The following PHACTR2 variants were observed in gnomAD, a reference collection of about 807,000 sequenced individuals.
PHACTR2 encodes phosphatase and actin regulator 2.
PHACTR2 carries 30 observed loss-of-function variants against 76.0 expected under a neutral mutation model. That is an observed-to-expected ratio of 0.39 (90% confidence interval 0.30 to 0.54). The LOEUF (loss-of-function observed/expected upper bound fraction) is 0.54, where lower values mean the gene tolerates loss of function less well. Ranked by LOEUF, PHACTR2 falls within the 20% of genes least tolerant of loss-of-function variation. PHACTR2 has a pLI of 0.61. For synonymous variants in PHACTR2, 292 were observed against 292.5 expected, an observed-to-expected ratio of 1.00 and a Z score of 0.02; for missense variants, 696 against 781.1, an observed-to-expected ratio of 0.89 and a Z score of 1.30.
In PHACTR2 at chr6:143,684,368, C is replaced by T. The variant is rs1777465727; in HGVS notation, c.46+6159C>T. Among the ~76,000 whole-genome samples, 1 of 152,200 alleles carries T rather than the reference C, an allele frequency of 6.6e-6. No individual in the cohort carries two copies. Among genetic ancestry groups the T allele is most frequent in the South Asian group, 2.1e-4 (1 of 4,836 alleles). Reference sequence around the variant, plus strand: ...GTTATTCTTAGGTTTTCCTTTCCCCCTCCACATGGATCCATCAGCAGGTCT... The same window carrying T: ...GTTATTCTTAGGTTTTCCTTTCCCCTTCCACATGGATCCATCAGCAGGTCT... On this transcript the variant is annotated intron_variant, in intron 1 of 12. Coordinates refer to ENST00000440869, the MANE Select transcript of PHACTR2 (RefSeq NM_001100164.2). This position sits in a 1 kb window ranked among gnomAD's most constrained non-coding sequence, Gnocchi z 4.3.
chr6:143,748,821 C>T (rs927260192), intron 2 of PHACTR2, 164 bp from the exon 3 acceptor site: 5 of 516,242 alleles, frequency 9.7e-6, no homozygotes, highest in Middle Eastern at 1.0e-3. Context: ...CTTGTCATAG[C>T]TGTGTTGATT....
rs969760612 is a variant in PHACTR2 at position 143,537,337 on chromosome 6, CA to C, written c.217+131del. On this transcript the variant is annotated intron_variant, in intron 1 of 11. Coordinates refer to the PHACTR2 transcript ENST00000367584. This position sits in a 1 kb window ranked among gnomAD's most constrained non-coding sequence, Gnocchi z 4.4. ...CTGGCGGCGGGGTGGGGGTGGGGGA[CA>C]GGGGAGGGCGGAGGCTGAACTCCCC... 1 of 157,400 alleles carries C rather than the reference CA, an allele frequency of 6.4e-6. No homozygotes were observed. The highest frequency in any genetic ancestry group is 1.4e-5 in the Non-Finnish European group (1 of 72,766). 9.8% of individuals were successfully genotyped at this position (157,400 alleles called of 1,614,324 possible).
intron 1 of PHACTR2, among the ~76,000 whole-genome samples, chr6:143,600,487 G>A (rs1324649881): frequency 6.6e-6 from 1 of 152,228 alleles, no homozygotes; most frequent in East Asian, 1.9e-4. Flanking sequence ...TATAGGTACA[G>A]TTCTTAAAAA....
At position 143,771,194 on chromosome 6, in the gene PHACTR2, GTATATATATATATATA is replaced by G. The variant is rs769993035; in HGVS notation, c.1233-1038_1233-1023del. On this transcript the variant is annotated intron_variant, in intron 6 of 12. Transcript: ENST00000440869. ...TATATGTATATATATATATATGTGT[GTATATATATATATATA>G]TATATATATATATATATATATATAT... Among the ~76,000 whole-genome samples the G allele has an allele frequency of 9.4e-4, 38 of 40,470 alleles. 1 individual carries two copies. The highest frequency in any genetic ancestry group is 2.1e-3 in the East Asian group (3 of 1,426). 26.5% of individuals were successfully genotyped at this position (40,470 alleles called of 152,430 possible). A position where few individuals can be genotyped will look rare whatever the true frequency, so the allele number is the denominator to read the frequency against.
In PHACTR2 at chr6:143,598,110, T is replaced by G. The variant is rs34359479; in HGVS notation, c.217+60903T>G. On this transcript the variant is annotated intron_variant, in intron 1 of 11. Coordinates refer to the PHACTR2 transcript ENST00000367584. The surrounding 1 kb of genome is among the most constrained non-coding windows in gnomAD (Gnocchi z 4.1). ...CCCCCGCGCCCCCAAAAAAGAACCA[T>G]ATCTTAACCCCTTAAACCTGTGAAT... Among the ~76,000 whole-genome samples, 5 of 151,532 alleles carry G rather than the reference T, an allele frequency of 3.3e-5. No homozygotes were observed. Among genetic ancestry groups the G allele is most frequent in the Non-Finnish European group, 5.9e-5 (4 of 67,942 alleles).
chr6:143,768,862 A>C (rs935393234), intron 6 of PHACTR2, among the ~76,000 whole-genome samples: 1 of 152,188 alleles, frequency 6.6e-6, no homozygotes, highest in African/African-American at 2.4e-5. Context: ...ATATTCTTCA[A>C]AATTTAAATT....
rs1220225710 is a variant in PHACTR2, at chr6:143,558,247, T to C, written c.217+21040T>C. Reference sequence around the variant, plus strand: ...GTTATCCTGGATATATTTGATGATATTAAGGAATTAATGTTCCTTCTTAGG... The same window carrying C: ...GTTATCCTGGATATATTTGATGATACTAAGGAATTAATGTTCCTTCTTAGG... On this transcript the variant is annotated intron_variant, in intron 1 of 11. Transcript: ENST00000367584. The surrounding 1 kb of genome is among the most constrained non-coding windows in gnomAD (Gnocchi z 4.7). 6.6e-6 allele frequency: 1 copy of C among 152,210 alleles called. No individual in the cohort carries two copies. Among genetic ancestry groups the C allele is most frequent in the East Asian group, 1.9e-4 (1 of 5,200 alleles). The allele number at this position is 152,210 out of a possible 1,614,324, so 9.4% of individuals were successfully genotyped here.
At chr6:143,682,384 C>T (rs1340873576) in intron 1 of PHACTR2, among the ~76,000 whole-genome samples, 2 of 152,068 alleles carry the variant, frequency 1.3e-5, no homozygotes, top group Admixed American at 6.6e-5. Flanking sequence ...TGCCCAGCTA[C>T]TTTGTATTGT....
rs1266663357 is a variant in PHACTR2 at position 143,616,571 on chromosome 6, G to C, written c.13+8249G>C. Among the ~76,000 whole-genome samples the C allele has an allele frequency of 6.6e-6, 1 of 151,984 alleles. No homozygotes were observed. Reference sequence around the variant, plus strand: ...CCATACATCCTGGTGATGTTTCCTGGTCACCCACTCTGTGCCACGCAATGT... The same window carrying C: ...CCATACATCCTGGTGATGTTTCCTGCTCACCCACTCTGTGCCACGCAATGT... On this transcript the variant is annotated intron_variant, in intron 1 of 11. Coordinates refer to the PHACTR2 transcript ENST00000305766. This position sits in a 1 kb window ranked among gnomAD's most constrained non-coding sequence, Gnocchi z 4.9.
intron 11 of PHACTR2, among the ~76,000 whole-genome samples, chr6:143,790,961 G>A (rs753614658): frequency 1.1e-4 from 17 of 152,222 alleles, no homozygotes; most frequent in Admixed American, 2.6e-4. Flanking sequence ...ACAGGCGTGA[G>A]CCATGGCGCC....
chr6:143,820,586 T>C lies in PHACTR2; in HGVS notation c.1923-3088T>C, dbSNP rs142104421. The stretch of plus-strand genomic sequence containing the variant: ...GGGTACTCTGGTGTAAGTGGGCAGC[T>C]CTACCCCTGTGGATTTGCAAGGTGC... On this transcript the variant is annotated intron_variant, in intron 12 of 12. Coordinates refer to ENST00000440869, the MANE Select transcript of PHACTR2 (RefSeq NM_001100164.2). The surrounding 1 kb of genome is among the most constrained non-coding windows in gnomAD (Gnocchi z 4.2). Among the ~76,000 whole-genome samples the C allele has an allele frequency of 7.3e-4, 111 of 152,374 alleles. No individual in the cohort carries two copies. The highest frequency in any genetic ancestry group is 2.6e-3 in the African/African-American group (108 of 41,590).
chr6:143,799,226 G>A (rs1000961343), intron 11 of PHACTR2, among the ~76,000 whole-genome samples: 1 of 152,112 alleles, frequency 6.6e-6, no homozygotes, highest in Non-Finnish European at 1.5e-5. Flanking sequence ...GGGATCAGTG[G>A]TGATATCCCC....
intron 1 of PHACTR2, among the ~76,000 whole-genome samples, chr6:143,566,495 G>T (rs1775365075): frequency 6.7e-6 from 1 of 148,926 alleles, no homozygotes; most frequent in East Asian, 2.0e-4. Context: ...TAGAGAAAGG[G>T]GTCTTACTGT....
intron 1 of PHACTR2, among the ~76,000 whole-genome samples, chr6:143,650,943 G>A (rs189335797): frequency 6.6e-6 from 1 of 152,022 alleles, no homozygotes; most frequent in Admixed American, 6.6e-5. Context: ...TCTGACAAAG[G>A]TCTAATATCC....
rs1349361217 is a variant in PHACTR2 at position 143,819,948 on chromosome 6, T to C, written c.1923-3726T>C. 6.6e-6 allele frequency among the ~76,000 whole-genome samples: 1 copy of C among 152,174 alleles called. No homozygotes were observed. The highest frequency in any genetic ancestry group is 1.5e-5 in the Non-Finnish European group (1 of 68,026). On this transcript the variant is annotated intron_variant, in intron 12 of 12. Transcript: ENST00000440869. The surrounding 1 kb of genome is among the most constrained non-coding windows in gnomAD (Gnocchi z 5.0). ...GTACAGGAAGCATAGCAGCATCTGC[T>C]TCTGGGGAGGCCTCAGAAAGCCTCC...
rs139829877 is a variant in PHACTR2, at chr6:143,659,485, G to A, written c.13+51163G>A. Among the ~76,000 whole-genome samples, 70 of 152,304 alleles carry A rather than the reference G, an allele frequency of 4.6e-4. No individual in the cohort carries two copies. The East Asian group carries it at 9.7e-3, about 21-fold the overall frequency. On this transcript the variant is annotated intron_variant, in intron 1 of 11. Coordinates refer to the PHACTR2 transcript ENST00000305766. This position sits in a 1 kb window ranked among gnomAD's most constrained non-coding sequence, Gnocchi z 5.0. ...AGTGCATGTGGTCACTGGGCAGCAC[G>A]CCATTCCTTGCAGAATGCCAGACTG...
chr6:143,690,942 C>T (rs577524763), intron 1 of PHACTR2, among the ~76,000 whole-genome samples: 45 of 152,240 alleles, frequency 3.0e-4, no homozygotes, highest in African/African-American at 1.1e-3. Context: ...ATGGGATGCT[C>T]GTTCTGATAG....
chr6:143,778,374 C>T (rs890320495), intron 9 of PHACTR2, among the ~76,000 whole-genome samples: 3 of 152,088 alleles, frequency 2.0e-5, no homozygotes, highest in East Asian at 1.9e-4. Context: ...GTTGTTAGTA[C>T]GAAATCAATT....
chr6:143,579,183 C>T (rs578211738), intron 1 of PHACTR2, among the ~76,000 whole-genome samples: 5 of 152,240 alleles, frequency 3.3e-5, no homozygotes, highest in African/African-American at 1.2e-4. Context: ...GGATTACAGG[C>T]ATGAGCCACT....
Sources: gnomAD v4.1 joint callset for allele counts (sites outside exome capture counted in the v4.1 genomes callset) on GRCh38, gnomAD v4.1.1 for gene constraint, Gnocchi (gnomAD v3.1) non-coding constraint, MANE v1.5 for transcripts, NCBI Gene and HGNC (gene_info 2026-07-23, HGNC 2026-07-21) for gene names.